HK1: variants seen among roughly 807,000 people sequenced by gnomAD.
HK1 encodes hexokinase 1.
HK1 carries 28 observed loss-of-function variants against 91.6 expected under a neutral mutation model. The observed-to-expected ratio is 0.31, with a 90% CI of 0.23 to 0.42. The LOEUF (loss-of-function observed/expected upper bound fraction) is 0.42, where lower values mean the gene tolerates loss of function less well. Ranked by LOEUF, HK1 falls within the 10% of genes least tolerant of loss-of-function variation. The probability of loss-of-function intolerance (pLI) is 1.00; values close to 1 mark genes in which losing one functional copy is unlikely to be tolerated. For missense variants in HK1, 770 were observed against 1,219.8 expected (o/e 0.63, Z 5.49); for synonymous variants, 430 against 468.1 (o/e 0.92, Z 1.05).
intron 3 of HK1, among the ~76,000 whole-genome samples, chr10:69,361,820 TTTC>T (rs1246762316): frequency 6.6e-6 from 1 of 152,192 alleles, no homozygotes; most frequent in Non-Finnish European, 1.5e-5. Context: ...AATTCTTTTT[TTTC>T]TTCTTTTTTT....
chr10:69,393,698 C>T (rs1275392174), intron 15 of HK1, among the ~76,000 whole-genome samples: 2 of 152,188 alleles, frequency 1.3e-5, no homozygotes, highest in Non-Finnish European at 2.9e-5. Flanking sequence ...AGTGAAGAAC[C>T]GTGCTATTCA....
At chr10:69,400,237 A>C (rs1406670120) in intron 17 of HK1, among the ~76,000 whole-genome samples, 1 of 152,180 alleles carries the variant, frequency 6.6e-6, no homozygotes, top group Non-Finnish European at 1.5e-5. Context: ...GGCCTCCCAA[A>C]GTGCTGGCAT....
intron 2 of HK1, among the ~76,000 whole-genome samples, chr10:69,347,634 C>T (rs981145165): frequency 5.9e-5 from 9 of 151,900 alleles, no homozygotes; most frequent in Non-Finnish European, 2.9e-5. Flanking sequence ...CGAGGTTTCA[C>T]CATGTTGGCC....
chr10:69,356,756 G>A (rs971735051), intron 2 of HK1, among the ~76,000 whole-genome samples: 12 of 152,032 alleles, frequency 7.9e-5, no homozygotes, highest in East Asian at 1.9e-4. Flanking sequence ...GGTGGTGCAC[G>A]CCTATAATCC....
chr10:69,308,164 C>T (rs867400913), intron 5 of HK1, among the ~76,000 whole-genome samples: 4 of 152,008 alleles, frequency 2.6e-5, no homozygotes, highest in East Asian at 1.9e-4. Context: ...TTTAGGAAAG[C>T]GGTTCCCAAC....
At chr10:69,320,328 A>G (rs112499766) in intron 1 of HK1, among the ~76,000 whole-genome samples, 1,924 of 152,202 alleles carry the variant, frequency 0.013, 36 homozygotes, top group African/African-American at 0.044. Context: ...CTTGGATCCC[A>G]TGGTGGGTGG....
intron 2 of HK1, among the ~76,000 whole-genome samples, chr10:69,356,630 A>T (rs1340219764): frequency 6.6e-6 from 1 of 152,194 alleles, no homozygotes; most frequent in African/African-American, 2.4e-5. Flanking sequence ...CACGCCTGTG[A>T]TCCCAACACT....
intron 1 of HK1, among the ~76,000 whole-genome samples, chr10:69,275,932 T>C (rs944418770): frequency 8.0e-5 from 12 of 150,130 alleles, no homozygotes; most frequent in East Asian, 2.0e-4. Flanking sequence ...CTACTAAAAA[T>C]ACAAAAAATT....
At chr10:69,368,924 A>G (rs1271349127) in intron 5 of HK1, among the ~76,000 whole-genome samples, 1 of 152,178 alleles carries the variant, frequency 6.6e-6, no homozygotes, top group African/African-American at 2.4e-5. Context: ...TGTGCTTAGA[A>G]CAAGGGCAGA....
At chr10:69,313,819 A>G (rs1161348258), upstream of HK1, among the ~76,000 whole-genome samples, 1 of 152,056 alleles carries the variant, frequency 6.6e-6, no homozygotes. Flanking sequence ...GAAATTTCTT[A>G]ATTTTTTTTT....
chr10:69,291,822 C>A (rs959686363), intron 3 of HK1, among the ~76,000 whole-genome samples: 2 of 152,206 alleles, frequency 1.3e-5, no homozygotes, highest in Admixed American at 6.5e-5. Context: ...GGTTTCCTGA[C>A]AATTCCAAGC....
chr10:69,284,189 G>A (rs1844905220), intron 2 of HK1, among the ~76,000 whole-genome samples: 1 of 152,112 alleles, frequency 6.6e-6, no homozygotes, highest in Admixed American at 6.6e-5. Context: ...AAGAATGGAG[G>A]AGCCTGATTT....
chr10:69,280,741 A>G (rs1844706609), intron 1 of HK1, among the ~76,000 whole-genome samples: 1 of 152,206 alleles, frequency 6.6e-6, no homozygotes, highest in African/African-American at 2.4e-5. Flanking sequence ...TGGATTTGCC[A>G]GCCTCCAGAA....
chr10:69,342,253 C>G (rs1377929821), intron 1 of HK1, among the ~76,000 whole-genome samples: 1 of 152,176 alleles, frequency 6.6e-6, no homozygotes, highest in Non-Finnish European at 1.5e-5. Context: ...AAATCTGTCT[C>G]TCTATCCAGT....
chr10:69,273,790 CT>C (rs1378822415), intron 1 of HK1, among the ~76,000 whole-genome samples: 2 of 152,100 alleles, frequency 1.3e-5, no homozygotes, highest in African/African-American at 4.8e-5. Flanking sequence ...TATCCATGTC[CT>C]TTTTTAGAGA....
intron 3 of HK1, among the ~76,000 whole-genome samples, chr10:69,293,760 A>G (rs867271702): frequency 6.6e-6 from 1 of 151,986 alleles, no homozygotes; most frequent in Admixed American, 6.6e-5. Flanking sequence ...ACACATGTTC[A>G]GCAGAATAAC....
At position 69,380,256 on chromosome 10, in the gene HK1, C is replaced by T. The variant is rs1443080004; in HGVS notation, c.1265+161C>T. On this transcript the variant is annotated intron_variant, in intron 9 of 17. Transcript: ENST00000359426. The surrounding 1 kb of genome is among the most constrained non-coding windows in gnomAD (Gnocchi z 4.0). ...CTGTAATCTTAGCACTTTGAGAGGC[C>T]GAGGCAGGAGGAAGGAGTTTGAGAA... Among the ~76,000 whole-genome samples, 1 of 151,864 alleles carries T rather than the reference C, an allele frequency of 6.6e-6. No individual in the cohort carries two copies. Among genetic ancestry groups the T allele is most frequent in the Non-Finnish European group, 1.5e-5 (1 of 67,984 alleles).
intron 14 of HK1, 26 bp downstream of exon 14, chr10:69,389,322 C>G (rs1045946741): frequency 3.2e-6 from 5 of 1,547,530 alleles, no homozygotes; most frequent in Non-Finnish European, 4.4e-6. Flanking sequence ...GGTCTCTTTC[C>G]CTGCAGAAGG....
intron 12 of HK1, among the ~76,000 whole-genome samples, chr10:69,386,007 C>T (rs1473051753): frequency 6.6e-6 from 1 of 152,192 alleles, no homozygotes; most frequent in African/African-American, 2.4e-5. Context: ...GTGGCAGCAC[C>T]AGGCTTGGAA....
Sources: allele counts gnomAD v4.1 joint callset (sites outside exome capture counted in the v4.1 genomes callset), GRCh38; gene constraint gnomAD v4.1.1; non-coding constraint Gnocchi (gnomAD v3.1); transcripts MANE v1.5; gene names NCBI Gene and HGNC (gene_info 2026-07-23, HGNC 2026-07-21).